The following HECW2 variants were observed in gnomAD, a reference collection of about 807,000 sequenced individuals.
HECW2 encodes HECT, C2 and WW domain containing E3 ubiquitin protein ligase 2.
Under a neutral mutation model 175.2 loss-of-function variants are expected in HECW2, and 61 were observed. That is an observed-to-expected ratio of 0.35 (90% confidence interval 0.28 to 0.43). The LOEUF (loss-of-function observed/expected upper bound fraction) is 0.43, where lower values mean the gene tolerates loss of function less well. Among genes scored for constraint, HECW2 ranks in the 20% least tolerant of loss-of-function variants. The pLI is 1.00. For synonymous variants in HECW2, 671 were observed against 731.0 expected (o/e 0.92, Z 1.32); for missense variants, 1,524 against 2,000.5 (o/e 0.76, Z 4.54).
chr2:196,291,660 TG>T, intron 14 of HECW2: 1 of 152,368 alleles, frequency 6.6e-6, no homozygotes, highest in South Asian at 2.1e-4. Flanking sequence ...GTTAAGAGCA[TG>T]GTTCCTGGAA....
intron 21 of HECW2, among the ~76,000 whole-genome samples, chr2:196,236,727 T>C (rs1355880645): frequency 6.6e-6 from 1 of 152,212 alleles, no homozygotes; most frequent in African/African-American, 2.4e-5. Flanking sequence ...ATTTTTCTCA[T>C]GGTTGGACTA....
rs140442278 is a variant in HECW2, at chr2:196,282,115, C to G, written c.3001-3453G>C. 2.2e-3 allele frequency among the ~76,000 whole-genome samples: 337 copies of G among 152,102 alleles called. 3 individuals are homozygous for G. Among genetic ancestry groups the G allele is most frequent in the African/African-American group, 7.7e-3 (318 of 41,506 alleles). On this transcript the variant is annotated intron_variant, in intron 14 of 28. Coordinates refer to ENST00000644978, the MANE Select transcript of HECW2 (RefSeq NM_001348768.2). The stretch of plus-strand genomic sequence containing the variant: ...CTTGCTAAAGCCCATACACAAGGCT[C>G]AAAAAAAGGAGGACCAGTGAAAACT...
chr2:196,454,508 T>C (rs1696444553), intron 1 of HECW2, among the ~76,000 whole-genome samples: 1 of 152,224 alleles, frequency 6.6e-6, no homozygotes, highest in East Asian at 1.9e-4. Flanking sequence ...TCACATTCAT[T>C]ATTGCACACT....
At chr2:196,585,965 T>C (rs1690960864) in intron 1 of HECW2, among the ~76,000 whole-genome samples, 1 of 152,126 alleles carries the variant, frequency 6.6e-6, no homozygotes, top group South Asian at 2.1e-4. Flanking sequence ...TGCCACCCAA[T>C]ATCTTCATGC....
chr2:196,435,125 A>G (rs901685388), intron 1 of HECW2, among the ~76,000 whole-genome samples: 22 of 152,228 alleles, frequency 1.4e-4, no homozygotes, highest in African/African-American at 5.3e-4. Context: ...CTTGGACAAG[A>G]TATCTTTTGT....
chr2:196,395,703 G>GTT (rs3082114), intron 2 of HECW2, among the ~76,000 whole-genome samples: 86,195 of 138,572 alleles, frequency 0.62, 28,066 homozygotes, highest in East Asian at 0.86. Flanking sequence ...GGATGACTAT[G>GTT]TTTTTTTTTT....
At chr2:196,512,287 G>T (rs533592933) in intron 1 of HECW2, among the ~76,000 whole-genome samples, 2 of 152,220 alleles carry the variant, frequency 1.3e-5, no homozygotes, top group South Asian at 4.2e-4. Flanking sequence ...GACTATACGG[G>T]GCAAATAAAG....
rs148952926 is a variant in HECW2 at position 196,390,726 on chromosome 2, C to A, written c.292+42406G>T. Among the ~76,000 whole-genome samples, 33 of 152,246 alleles carry A rather than the reference C, an allele frequency of 2.2e-4. No individual in the cohort carries two copies. The East Asian group carries it at 5.8e-3, about 27-fold the overall frequency. On this transcript the variant is annotated intron_variant, in intron 2 of 28. Transcript: ENST00000644978. ...TGTTGGGTCCAAGGCATTCATGGAT[C>A]TAGACACAAATACATTCTTTGCAAA...
intron 1 of HECW2, among the ~76,000 whole-genome samples, chr2:196,462,692 G>GA (rs34150570): frequency 6.0e-5 from 9 of 150,394 alleles, no homozygotes; most frequent in Non-Finnish European, 5.9e-5. Flanking sequence ...CCCTCCCCCC[G>GA]AAAAAAGATG....
intron 2 of HECW2, among the ~76,000 whole-genome samples, chr2:196,375,646 G>A (rs1363518965): frequency 6.6e-6 from 1 of 152,148 alleles, no homozygotes; most frequent in Non-Finnish European, 1.5e-5. Flanking sequence ...TTATTAGTGG[G>A]AACACAACAG....
intron 2 of HECW2, among the ~76,000 whole-genome samples, chr2:196,353,460 T>G (rs1162839705): frequency 1.3e-5 from 2 of 152,184 alleles, no homozygotes; most frequent in Non-Finnish European, 2.9e-5. Context: ...CTCCAAGAGG[T>G]CAAGGAATTT....
In HECW2 at chr2:196,220,051, CTG is replaced by C. The variant is rs763162697; in HGVS notation, c.4394_4395del (p.Thr1465ArgfsTer3). ...AATCAAATTTCACCTCCTCTATATT[CTG>C]TGTTGTTTCTCCAATCACTTAGGTC... ...EIDLSDWRNN[T>X]EYRGGYHDNH... On this transcript the variant is annotated frameshift_variant, in exon 26 of 29. Coordinates refer to ENST00000644978, the MANE Select transcript of HECW2 (RefSeq NM_001348768.2). LOFTEE classifies it high-confidence loss of function. The C allele has an allele frequency of 6.3e-7, 1 of 1,598,280 alleles. No individual in the cohort carries two copies. The highest frequency in any genetic ancestry group is 1.7e-5 in the Admixed American group (1 of 59,960).
At chr2:196,393,169 C>T (rs1249442575) in intron 2 of HECW2, among the ~76,000 whole-genome samples, 1 of 152,168 alleles carries the variant, frequency 6.6e-6, no homozygotes, top group East Asian at 1.9e-4. Flanking sequence ...AAGACTTAAA[C>T]ATTAGACCTA....
chr2:196,365,156 ATCACT>A (rs1693710308), intron 2 of HECW2, among the ~76,000 whole-genome samples: 1 of 152,254 alleles, frequency 6.6e-6, no homozygotes, highest in Admixed American at 6.5e-5. Flanking sequence ...AATTAAAGAC[ATCACT>A]TAACTAAAGT....
intron 1 of HECW2, among the ~76,000 whole-genome samples, chr2:196,555,990 G>C (rs899392920): frequency 2.0e-5 from 3 of 152,112 alleles, no homozygotes; most frequent in African/African-American, 7.2e-5. Context: ...CTTCCATCAA[G>C]GCCACTTCCA....
intron 2 of HECW2, among the ~76,000 whole-genome samples, chr2:196,345,042 T>C (rs1201708256): frequency 3.3e-5 from 5 of 152,200 alleles, no homozygotes; most frequent in African/African-American, 9.6e-5. Context: ...TGCATTTGCA[T>C]TGAGCACATT....
At chr2:196,302,886 C>T (rs1391744301) in intron 13 of HECW2, among the ~76,000 whole-genome samples, 1 of 152,182 alleles carries the variant, frequency 6.6e-6, no homozygotes, top group East Asian at 1.9e-4. Context: ...TCCTTTCTTC[C>T]TAGCTGAATA....
At chr2:196,403,097 C>T (rs1246365332) in intron 2 of HECW2, among the ~76,000 whole-genome samples, 3 of 152,196 alleles carry the variant, frequency 2.0e-5, no homozygotes, top group Non-Finnish European at 4.4e-5. Flanking sequence ...TGAGCCACCA[C>T]ACCTGTCCAC....
chr2:196,477,894 A>C (rs966033302), intron 1 of HECW2, among the ~76,000 whole-genome samples: 14 of 152,164 alleles, frequency 9.2e-5, no homozygotes, highest in African/African-American at 3.4e-4. Flanking sequence ...TCTACTGAAA[A>C]TACAAAAATT....
Sources: gnomAD v4.1 joint callset for allele counts (sites outside exome capture counted in the v4.1 genomes callset) on GRCh38, gnomAD v4.1.1 for gene constraint, MANE v1.5 for transcripts, NCBI Gene and HGNC (gene_info 2026-07-23, HGNC 2026-07-21) for gene names.